DOK6: variants seen among roughly 807,000 people sequenced by gnomAD.
DOK6 encodes the protein docking protein 6.
Under a neutral mutation model 44.0 loss-of-function variants are expected in DOK6, and 22 were observed. The observed-to-expected ratio is 0.50, with a 90% CI of 0.36 to 0.71. The LOEUF is 0.71. Ranked by LOEUF, DOK6 falls within the 30% of genes least tolerant of loss-of-function variation. The pLI is 0.00. For synonymous variants in DOK6, 166 were observed against 145.5 expected (o/e 1.14, Z -1.01); for missense variants, 340 against 416.4 (o/e 0.82, Z 1.60).
In DOK6 at chr18:69,698,488, A is replaced by G. The variant is rs758937238; in HGVS notation, c.494A>G (p.Tyr165Cys). ...ATGCAGATCACTCATGAAAATATCT[A>G]TCTCTGGGATATCCACAATGCCAAG... ...CTMQITHENI[Y>C]LWDIHNAKVK... The change falls in exon 5 of 8, where the codon TAT (tyrosine) becomes TGT (cysteine). Residue 165 changes from tyrosine to cysteine, a missense_variant. Tyr to Cys is a radical substitution (Grantham distance 194). This residue lies in a region of DOK6 where 206 missense variants were observed against 258.6 expected (regional missense o/e 0.80). Transcript: ENST00000382713. 4 of 1,614,106 alleles carry G rather than the reference A, an allele frequency of 2.5e-6. No homozygotes were observed. Among genetic ancestry groups the G allele is most frequent in the South Asian group, 2.2e-5 (2 of 91,084 alleles).
intron 1 of DOK6, among the ~76,000 whole-genome samples, chr18:69,503,811 C>A (rs1981111236): frequency 6.6e-6 from 1 of 151,356 alleles, no homozygotes; most frequent in Admixed American, 6.6e-5. Flanking sequence ...TATTTTAAAC[C>A]AATATATTTC....
chr18:69,534,697 C>T (rs1599178195), intron 1 of DOK6, among the ~76,000 whole-genome samples: 1 of 151,974 alleles, frequency 6.6e-6, no homozygotes, highest in South Asian at 2.1e-4. Flanking sequence ...AGCAGATGAG[C>T]TCCCTAATAG....
At chr18:69,592,957 A>G (rs1391847243) in intron 2 of DOK6, among the ~76,000 whole-genome samples, 2 of 152,208 alleles carry the variant, frequency 1.3e-5, no homozygotes, top group African/African-American at 2.4e-5. Context: ...AGAGTTTCCC[A>G]TGATAGTCAA....
chr18:69,492,928 C>T (rs1481518569), intron 1 of DOK6, among the ~76,000 whole-genome samples: 1 of 151,662 alleles, frequency 6.6e-6, no homozygotes, highest in Non-Finnish European at 1.5e-5. Context: ...TCATTTACTA[C>T]CTGTGCTTTT....
intron 3 of DOK6, among the ~76,000 whole-genome samples, chr18:69,635,371 T>A (rs956522558): frequency 6.6e-6 from 1 of 152,218 alleles, no homozygotes; most frequent in East Asian, 1.9e-4. Flanking sequence ...TGCTCTGAGA[T>A]GTGTATAAGC....
rs961499303 is a variant in DOK6, at chr18:69,401,027, G to C, written c.-218G>C. The C allele has an allele frequency of 2.8e-5, 5 of 177,578 alleles. No homozygotes were observed. The highest frequency in any genetic ancestry group is 5.6e-5 in the Non-Finnish European group (5 of 88,716). 11.0% of individuals were successfully genotyped at this position (177,578 alleles called of 1,614,324 possible). A position where few individuals can be genotyped will look rare whatever the true frequency, so the allele number is the denominator to read the frequency against. On this transcript the variant is annotated 5_prime_UTR_variant, in exon 1 of 8. Coordinates refer to ENST00000382713, the MANE Select transcript of DOK6 (RefSeq NM_152721.6). ...GAAGGTGAGCGCCAGAACGCGGAGG[G>C]CTGGCGCGGCTCGCGGCGCCGGGCC...
At chr18:69,602,142 C>T (rs1247135351) in intron 3 of DOK6, among the ~76,000 whole-genome samples, 1 of 152,114 alleles carries the variant, frequency 6.6e-6, no homozygotes, top group Non-Finnish European at 1.5e-5. Context: ...ATAGTTACTT[C>T]CTCCCTAGGA....
At chr18:69,663,832 C>A (rs1160950097) in intron 3 of DOK6, among the ~76,000 whole-genome samples, 1 of 152,138 alleles carries the variant, frequency 6.6e-6, no homozygotes, top group Non-Finnish European at 1.5e-5. Flanking sequence ...GTGGAATGTG[C>A]GGCTATTTAG....
chr18:69,412,326 A>G (rs1978309805), intron 1 of DOK6, among the ~76,000 whole-genome samples: 1 of 152,102 alleles, frequency 6.6e-6, no homozygotes, highest in Non-Finnish European at 1.5e-5. Context: ...TTGACTTGGA[A>G]TATTCTCAAA....
chr18:69,730,832 T>C (rs1335706526), intron 5 of DOK6, among the ~76,000 whole-genome samples: 1 of 152,140 alleles, frequency 6.6e-6, no homozygotes, highest in Non-Finnish European at 1.5e-5. Context: ...TTAGGCAGGA[T>C]GTGATGGCTA....
chr18:69,563,084 A>T (rs1982877374), intron 1 of DOK6, among the ~76,000 whole-genome samples: 1 of 152,262 alleles, frequency 6.6e-6, no homozygotes. Context: ...AAAAATGCAA[A>T]TCAAAACCAC....
At chr18:69,818,264 C>T (rs1981459337) in intron 7 of DOK6, among the ~76,000 whole-genome samples, 1 of 152,150 alleles carries the variant, frequency 6.6e-6, no homozygotes, top group Non-Finnish European at 1.5e-5. Context: ...CATCTTGAGA[C>T]ATCTCAACCA....
chr18:69,787,912 T>C (rs999206873), intron 7 of DOK6, among the ~76,000 whole-genome samples: 12 of 152,230 alleles, frequency 7.9e-5, no homozygotes, highest in African/African-American at 2.7e-4. Context: ...CACTTTAGAC[T>C]AAATATATTC....
At chr18:69,464,131 A>C (rs1026766091) in intron 1 of DOK6, among the ~76,000 whole-genome samples, 1 of 147,990 alleles carries the variant, frequency 6.8e-6, no homozygotes, top group Non-Finnish European at 1.5e-5. Flanking sequence ...ACACTTAATG[A>C]GTATAATAAC....
intron 2 of DOK6, among the ~76,000 whole-genome samples, chr18:69,595,245 A>T (rs1983713971): frequency 6.6e-6 from 1 of 152,204 alleles, no homozygotes; most frequent in Non-Finnish European, 1.5e-5. Flanking sequence ...TAGAAAAACA[A>T]TTGTGTGGCT....
intron 3 of DOK6, among the ~76,000 whole-genome samples, chr18:69,599,954 T>G (rs546147270): frequency 6.0e-4 from 92 of 152,312 alleles, no homozygotes; most frequent in African/African-American, 2.2e-3. Flanking sequence ...TACAAGTAAA[T>G]ACATTTCAGA....
intron 3 of DOK6, among the ~76,000 whole-genome samples, chr18:69,672,951 A>G (rs987228606): frequency 1.3e-5 from 2 of 151,988 alleles, no homozygotes; most frequent in East Asian, 1.9e-4. Flanking sequence ...AAATATGAAA[A>G]CAACCTTTAT....
At chr18:69,440,391 A>G (rs569651332) in intron 1 of DOK6, among the ~76,000 whole-genome samples, 1 of 152,338 alleles carries the variant, frequency 6.6e-6, no homozygotes, top group Non-Finnish European at 1.5e-5. Flanking sequence ...AGACTTGCTT[A>G]ACACAGGGTT....
intron 7 of DOK6, among the ~76,000 whole-genome samples, chr18:69,820,951 T>C (rs1327610697): frequency 6.6e-6 from 1 of 152,106 alleles, no homozygotes; most frequent in Non-Finnish European, 1.5e-5. Flanking sequence ...GGTACTAGGC[T>C]TTATACCTGG....
Sources: gnomAD v4.1 joint callset for allele counts (sites outside exome capture counted in the v4.1 genomes callset) on GRCh38, gnomAD v4.1.1 for gene constraint, gnomAD v4.1.1 regional missense constraint, MANE v1.5 for transcripts, NCBI Gene and HGNC (gene_info 2026-07-23, HGNC 2026-07-21) for gene names.